Variants in FRMD1 observed in about 807,000 individuals in gnomAD.
FRMD1 encodes the protein FERM domain containing 1.
Under a neutral mutation model 54.9 loss-of-function variants are expected in FRMD1, and 51 were observed. The observed-to-expected ratio is 0.93, with a 90% CI of 0.74 to 1.17. The LOEUF (loss-of-function observed/expected upper bound fraction) is 1.17. Ranked by LOEUF, FRMD1 falls within the 50% of genes most tolerant of loss-of-function variation. The pLI is 0.00. For synonymous variants in FRMD1, 324 were observed against 306.4 expected (o/e 1.06, Z -0.60); for missense variants, 729 against 743.0 (o/e 0.98, Z 0.22).
upstream of FRMD1, among the ~76,000 whole-genome samples, chr6:168,085,344 C>T (rs905845426): frequency 6.6e-6 from 1 of 152,230 alleles, no homozygotes; most frequent in African/African-American, 2.4e-5. Context: ...AACACTCCAG[C>T]CTCCCTCCAC....
At chr6:168,079,305 G>A, upstream of FRMD1, 1 of 919,482 alleles carries the variant, frequency 1.1e-6, no homozygotes, top group Non-Finnish European at 1.5e-6. Context: ...CGCCAGGAAT[G>A]CAAATAAACA....
At chr6:168,086,115 G>A (rs1476368646), upstream of FRMD1, among the ~76,000 whole-genome samples, 5 of 152,176 alleles carry the variant, frequency 3.3e-5, no homozygotes, top group Non-Finnish European at 4.4e-5. Flanking sequence ...CAGCAGGGAC[G>A]CCAGCCATGT....
Position 168,059,222 on chromosome 6 carries a change from T to C in FRMD1, c.1343-34A>G, listed in dbSNP as rs747969036. On this transcript the variant is annotated intron_variant, in intron 9 of 10. Transcript: ENST00000283309. The surrounding 1 kb of genome is among the most constrained non-coding windows in gnomAD (Gnocchi z 4.4). ...GGAGGCAGCCGTGAGCACAGGTGTC[T>C]GGGTTCTGCCCGACATGGCTCCTCC... The C allele has an allele frequency of 4.8e-5, 75 of 1,547,996 alleles. No homozygotes were observed. Among genetic ancestry groups the C allele is most frequent in the Non-Finnish European group, 6.1e-5 (70 of 1,146,396 alleles).
chr6:168,088,185 T>C (rs1027764281), intron 1 of FRMD1, among the ~76,000 whole-genome samples: 1 of 152,200 alleles, frequency 6.6e-6, no homozygotes, highest in Non-Finnish European at 1.5e-5. Context: ...GGGCCCATGC[T>C]GCCTCTGGGA....
intron 1 of FRMD1, among the ~76,000 whole-genome samples, chr6:168,090,613 C>G (rs56377745): frequency 0.1 from 15,438 of 152,250 alleles, 846 homozygotes; most frequent in Non-Finnish European, 0.14. Flanking sequence ...TAACTTGACC[C>G]CTGCCTGTTT....
At chr6:168,069,652 A>G (rs1321677532) in intron 2 of FRMD1, among the ~76,000 whole-genome samples, 1 of 152,208 alleles carries the variant, frequency 6.6e-6, no homozygotes, top group Non-Finnish European at 1.5e-5. Context: ...ATCTCAAATC[A>G]TAATAAGGAG....
chr6:168,061,456 A>T (rs1202481202), intron 8 of FRMD1, among the ~76,000 whole-genome samples: 1 of 152,114 alleles, frequency 6.6e-6, no homozygotes, highest in African/African-American at 2.4e-5. Context: ...ACAGGAAGGG[A>T]GACCAGGCCT....
chr6:168,084,594 G>A (rs973219824), upstream of FRMD1, among the ~76,000 whole-genome samples: 3 of 152,334 alleles, frequency 2.0e-5, no homozygotes, highest in Non-Finnish European at 2.9e-5. Context: ...GCCTCTTCCC[G>A]TGGGCCCTCC....
chr6:168,059,674 G>A lies in FRMD1; in HGVS notation c.1343-486C>T, dbSNP rs1488965053. 6.6e-6 allele frequency among the ~76,000 whole-genome samples: 1 copy of A among 152,162 alleles called. No individual in the cohort carries two copies. The highest frequency in any genetic ancestry group is 1.5e-5 in the Non-Finnish European group (1 of 68,028). On this transcript the variant is annotated intron_variant, in intron 9 of 10. Coordinates refer to ENST00000283309, the MANE Select transcript of FRMD1 (RefSeq NM_024919.6). The surrounding 1 kb of genome is among the most constrained non-coding windows in gnomAD (Gnocchi z 4.4). ...TCACATCCACCGTCAGGGCCGTGGG[G>A]ACACTCAGAGACCAGCAGAGCTCAC...
At chr6:168,063,461 G>A (rs940246844) in intron 6 of FRMD1, 140 bp downstream of exon 6, 22 of 1,009,312 alleles carry the variant, frequency 2.2e-5, no homozygotes, top group African/African-American at 6.7e-5. Flanking sequence ...TCCCTGCCCC[G>A]GGGTCCTGGT....
intron 1 of FRMD1, among the ~76,000 whole-genome samples, chr6:168,076,106 C>T (rs1800582273): frequency 6.6e-6 from 1 of 152,184 alleles, no homozygotes; most frequent in Admixed American, 6.5e-5. Flanking sequence ...GGTCACCGGG[C>T]AGCAGAGGCA....
rs116217835 is a variant in FRMD1, at chr6:168,086,947, C to T, written c.-11-7923G>A. ...CTTGAGGCCTGATGGAGTGACCCAGCCGCCTCAGAGAGCAGTCCCCGATTC... is the reference window on the plus strand; with the variant it reads ...CTTGAGGCCTGATGGAGTGACCCAGTCGCCTCAGAGAGCAGTCCCCGATTC... On this transcript the variant is annotated intron_variant, in intron 1 of 12. Coordinates refer to the FRMD1 transcript ENST00000644440. Among the ~76,000 whole-genome samples, 824 of 152,330 alleles carry T rather than the reference C, an allele frequency of 5.4e-3. 10 individuals are homozygous for T. Among genetic ancestry groups the T allele is most frequent in the African/African-American group, 0.019 (784 of 41,572 alleles).
At chr6:168,086,719 A>AC (rs1212483319) in intron 1 of FRMD1, among the ~76,000 whole-genome samples, 4 of 151,228 alleles carry the variant, frequency 2.6e-5, no homozygotes, top group Non-Finnish European at 5.9e-5. Flanking sequence ...GTCGTCTGTC[A>AC]CCCCCCTCGG....
intron 8 of FRMD1, 88 bp downstream of exon 8, chr6:168,061,719 G>T: frequency 1.5e-6 from 2 of 1,330,960 alleles, no homozygotes; most frequent in Admixed American, 2.3e-5. Context: ...GAGACAGAAG[G>T]CATAGTCCGG....
upstream of FRMD1, among the ~76,000 whole-genome samples, chr6:168,086,271 C>T (rs1800916999): frequency 6.9e-6 from 1 of 144,166 alleles, no homozygotes; most frequent in South Asian, 2.2e-4. Flanking sequence ...CATGGACACC[C>T]GCGTCCCCAG....
At chr6:168,065,343 C>G (rs1799974982) in intron 4 of FRMD1, 1 of 1,222,260 alleles carries the variant, frequency 8.2e-7, no homozygotes, top group Non-Finnish European at 1.0e-6. Context: ...TGGCCTTCAC[C>G]AAACCAAGCC....
In FRMD1 at chr6:168,062,153, C is replaced by T. The variant is rs554296408; in HGVS notation, c.871-172G>A. On this transcript the variant is annotated intron_variant, in intron 7 of 10. Coordinates refer to ENST00000283309, the MANE Select transcript of FRMD1 (RefSeq NM_024919.6). The stretch of plus-strand genomic sequence containing the variant: ...TGTGCGCGGACACTGTGCTCTGCTC[C>T]GCCCTTGCTTGAGAGGACACAGCCC... 3.3e-5 allele frequency among the ~76,000 whole-genome samples: 5 copies of T among 152,362 alleles called. No individual in the cohort carries two copies. The East Asian group carries it at 5.8e-4, about 18-fold the overall frequency.
chr6:168,063,002 G>T, intron 6 of FRMD1, 43 bp from the exon 7 acceptor site: 1 of 1,534,356 alleles, frequency 6.5e-7, no homozygotes. Context: ...GCCTGGAGGT[G>T]CTGGGCCTCA....
Position 168,053,288 on chromosome 6 carries a change from A to T in FRMD1, c.*3809T>A, listed in dbSNP as rs2114928351. 1 of 152,326 alleles carries T rather than the reference A, an allele frequency of 6.6e-6. No individual in the cohort carries two copies. The highest frequency in any genetic ancestry group is 1.9e-4 in the East Asian group (1 of 5,174). 9.4% of individuals were successfully genotyped at this position (152,326 alleles called of 1,614,324 possible). On this transcript the variant is annotated 3_prime_UTR_variant, in exon 11 of 11. Coordinates refer to ENST00000283309, the MANE Select transcript of FRMD1 (RefSeq NM_024919.6). ...CCCCATCACAGCTCGCCGCCGTGAG[A>T]ACGGTCATGGGCCCGGCTGCAGGAC...
Sources: allele counts gnomAD v4.1 joint callset (sites outside exome capture counted in the v4.1 genomes callset), GRCh38; gene constraint gnomAD v4.1.1; non-coding constraint Gnocchi (gnomAD v3.1); transcripts MANE v1.5; gene names NCBI Gene and HGNC (gene_info 2026-07-23, HGNC 2026-07-21).